Variants in RSU1 observed in about 807,000 individuals in gnomAD.
The protein encoded by RSU1 is Ras suppressor protein 1.
RSU1 carries 26 observed loss-of-function variants against 31.1 expected under a neutral mutation model. The observed-to-expected ratio is 0.84, with a 90% confidence interval of 0.61 to 1.16. The LOEUF (loss-of-function observed/expected upper bound fraction) is 1.16, where lower values mean the gene tolerates loss of function less well. RSU1 is among the 50% of genes most tolerant of loss of function. The probability of loss-of-function intolerance (pLI) is 0.00; values close to 1 mark genes in which losing one functional copy is unlikely to be tolerated. For missense variants in RSU1, 320 were observed against 339.1 expected (o/e 0.94, Z 0.44); for synonymous variants, 164 against 136.3 (o/e 1.20, Z -1.41).
At chr10:16,657,730 C>T (rs1417064193) in intron 8 of RSU1, among the ~76,000 whole-genome samples, 1 of 152,154 alleles carries the variant, frequency 6.6e-6, no homozygotes, top group Non-Finnish European at 1.5e-5. Context: ...CGGTGGCTCA[C>T]GCCCGTAATC....
intron 8 of RSU1, among the ~76,000 whole-genome samples, chr10:16,682,927 C>T (rs567188381): frequency 2.0e-5 from 3 of 152,216 alleles, no homozygotes; most frequent in East Asian, 1.9e-4. Flanking sequence ...TCTGTGGAAC[C>T]CTCCCTTCAT....
chr10:16,717,765 A>G (rs186922011), intron 7 of RSU1, among the ~76,000 whole-genome samples: 8 of 152,320 alleles, frequency 5.3e-5, no homozygotes, highest in East Asian at 1.9e-4. Flanking sequence ...CAAATTAACT[A>G]TATGACTCAA....
intron 8 of RSU1, among the ~76,000 whole-genome samples, chr10:16,594,054 C>T (rs779440467): frequency 7.9e-5 from 12 of 152,318 alleles, no homozygotes; most frequent in African/African-American, 1.7e-4. Context: ...GCATTCATTG[C>T]GCAGCGAAGC....
chr10:16,646,704 A>G (rs1834578200), intron 8 of RSU1, among the ~76,000 whole-genome samples: 1 of 152,254 alleles, frequency 6.6e-6, no homozygotes, highest in Non-Finnish European at 1.5e-5. Context: ...AGTCTCAAAG[A>G]TACCATGGTG....
intron 4 of RSU1, among the ~76,000 whole-genome samples, chr10:16,757,571 C>T (rs996911307): frequency 6.6e-6 from 1 of 152,206 alleles, no homozygotes; most frequent in African/African-American, 2.4e-5. Flanking sequence ...CGCTTGTTCA[C>T]TAAAACTACC....
At chr10:16,750,356 C>T (rs545422107) in intron 7 of RSU1, among the ~76,000 whole-genome samples, 37 of 152,242 alleles carry the variant, frequency 2.4e-4, no homozygotes, top group South Asian at 1.2e-3. Context: ...TTTCTACATA[C>T]GGCTCGCAAA....
intron 8 of RSU1, among the ~76,000 whole-genome samples, chr10:16,694,601 G>A (rs1289557627): frequency 5.9e-5 from 9 of 152,048 alleles, no homozygotes; most frequent in Middle Eastern, 3.4e-3. Context: ...AGAAAGGGTC[G>A]TGCTCTCTCA....
chr10:16,657,225 G>A (rs1285441132), intron 8 of RSU1, among the ~76,000 whole-genome samples: 2 of 151,942 alleles, frequency 1.3e-5, no homozygotes, highest in East Asian at 3.9e-4. Flanking sequence ...AGTTTCACAA[G>A]TATTCAAATC....
At chr10:16,741,031 T>C (rs1485324908) in intron 7 of RSU1, among the ~76,000 whole-genome samples, 1 of 152,092 alleles carries the variant, frequency 6.6e-6, no homozygotes, top group Non-Finnish European at 1.5e-5. Flanking sequence ...AATAACAAAG[T>C]TGAAACTAAC....
chr10:16,784,252 A>G (rs764638760), intron 2 of RSU1, among the ~76,000 whole-genome samples: 28 of 151,798 alleles, frequency 1.8e-4, no homozygotes, highest in Non-Finnish European at 2.7e-4. Flanking sequence ...TGCTTGATTT[A>G]AATGTTTTTT....
chr10:16,622,108 AC>A (rs1444298033), intron 8 of RSU1, among the ~76,000 whole-genome samples: 1 of 152,188 alleles, frequency 6.6e-6, no homozygotes, highest in Non-Finnish European at 1.5e-5. Context: ...CTAAATGCCC[AC>A]AAAAATTAAA....
At chr10:16,626,131 A>C (rs565305762) in intron 8 of RSU1, among the ~76,000 whole-genome samples, 1 of 151,540 alleles carries the variant, frequency 6.6e-6, no homozygotes, top group African/African-American at 2.4e-5. Context: ...GTGCAGCCTC[A>C]TCCTCCCAGG....
intron 8 of RSU1, among the ~76,000 whole-genome samples, chr10:16,665,079 G>C (rs903492440): frequency 1.3e-5 from 2 of 152,054 alleles, no homozygotes; most frequent in African/African-American, 4.8e-5. Context: ...GAGTAGCTGG[G>C]ATTACAGGCG....
chr10:16,663,820 T>C (rs1417360604), intron 8 of RSU1, among the ~76,000 whole-genome samples: 3 of 152,170 alleles, frequency 2.0e-5, no homozygotes, highest in African/African-American at 7.2e-5. Context: ...AAGCTTCCAC[T>C]CCCATGCTGT....
intron 2 of RSU1, among the ~76,000 whole-genome samples, chr10:16,807,884 T>A (rs1838308108): frequency 6.6e-6 from 1 of 151,882 alleles, no homozygotes; most frequent in African/African-American, 2.4e-5. Context: ...TTAGCCGGGC[T>A]TGGTGGCGGG....
chr10:16,706,560 T>C (rs1014838235), intron 7 of RSU1, among the ~76,000 whole-genome samples: 2 of 152,206 alleles, frequency 1.3e-5, no homozygotes, highest in African/African-American at 4.8e-5. Context: ...GTGGTCTTTT[T>C]AGAAAAAATA....
chr10:16,728,640 G>A (rs1323173363), intron 7 of RSU1, among the ~76,000 whole-genome samples: 1 of 152,218 alleles, frequency 6.6e-6, no homozygotes, highest in Non-Finnish European at 1.5e-5. Flanking sequence ...ATCAGCTCAT[G>A]AGGCAAAAGG....
intron 8 of RSU1, among the ~76,000 whole-genome samples, chr10:16,631,709 G>C (rs542734760): frequency 6.6e-6 from 1 of 152,290 alleles, no homozygotes; most frequent in Non-Finnish European, 1.5e-5. Flanking sequence ...TGTTTATACT[G>C]CTGGTCTTAT....
At position 16,645,984 on chromosome 10, in the gene RSU1, ACATATATGTG is replaced by A. The variant is rs1834555597; in HGVS notation, c.731+49029_731+49038del. Among the ~76,000 whole-genome samples the A allele has an allele frequency of 2.1e-5, 2 of 95,016 alleles. 1 individual carries two copies. The highest frequency in any genetic ancestry group is 3.8e-5 in the Non-Finnish European group (2 of 52,192). The allele number at this position is 95,016 out of a possible 152,430, so 62.3% of individuals were successfully genotyped here. A position where few individuals can be genotyped will look rare whatever the true frequency, so the allele number is the denominator to read the frequency against. ...TATATGTGTATATATATGTGTATAT[ACATATATGTG>A]TATATATATGTGTATATACATATAT... is the stretch of plus-strand genomic sequence containing the variant. On this transcript the variant is annotated intron_variant, in intron 8 of 8. Transcript: ENST00000345264.
Sources: allele counts gnomAD v4.1 joint callset (sites outside exome capture counted in the v4.1 genomes callset), GRCh38; gene constraint gnomAD v4.1.1; transcripts MANE v1.5; gene names NCBI Gene and HGNC (gene_info 2026-07-23, HGNC 2026-07-21).